The following RBBP5 variants were observed in gnomAD, a reference collection of about 807,000 sequenced individuals.
RBBP5 encodes retinoblastoma-binding protein 5.
Under a neutral mutation model 72.2 loss-of-function variants are expected in RBBP5, and 5 were observed. The observed-to-expected ratio is 0.07, with a 90% CI of 0.04 to 0.15. The LOEUF (loss-of-function observed/expected upper bound fraction) is 0.15. RBBP5 is among the 10% of genes least tolerant of loss of function. The probability of loss-of-function intolerance (pLI) is 1.00; values close to 1 mark genes in which losing one functional copy is unlikely to be tolerated. For missense variants in RBBP5, 322 were observed against 652.2 expected, an observed-to-expected ratio of 0.49 and a Z score of 5.51; for synonymous variants, 209 against 237.2, an observed-to-expected ratio of 0.88 and a Z score of 1.09.
chr1:205,090,429 C>T (rs1421438578), intron 13 of RBBP5, among the ~76,000 whole-genome samples: 3 of 152,236 alleles, frequency 2.0e-5, no homozygotes, highest in East Asian at 3.9e-4. Context: ...GTTTCTATAC[C>T]GTCCTTGTTT....
rs1230500593 is a variant in RBBP5, at chr1:205,088,587, T to C, written c.*200A>G. ...ATTCCTGAGAGTCTATTTGGACTTATGCTTGAAAGGGAAGGGAAGGTCGTA... is the reference window on the plus strand; with the variant it reads ...ATTCCTGAGAGTCTATTTGGACTTACGCTTGAAAGGGAAGGGAAGGTCGTA... On this transcript the variant is annotated 3_prime_UTR_variant, in exon 14 of 14. Coordinates refer to ENST00000264515, the MANE Select transcript of RBBP5 (RefSeq NM_005057.4). 2.2e-5 allele frequency: 12 copies of C among 544,588 alleles called. No homozygotes were observed. The highest frequency in any genetic ancestry group is 2.0e-4 in the Admixed American group (5 of 25,320). The allele number at this position is 544,588 out of a possible 1,614,324, so 33.7% of individuals were successfully genotyped here.
At chr1:205,111,837 C>T (rs550954828) in intron 3 of RBBP5, among the ~76,000 whole-genome samples, 22 of 152,238 alleles carry the variant, frequency 1.4e-4, no homozygotes, top group African/African-American at 5.1e-4. Context: ...AGACGAGGTT[C>T]TCCATGAGGA....
intron 12 of RBBP5, among the ~76,000 whole-genome samples, chr1:205,095,894 TA>T (rs1217493447): frequency 6.6e-6 from 1 of 152,116 alleles, no homozygotes; most frequent in African/African-American, 2.4e-5. Flanking sequence ...TGCAGTTAGC[TA>T]AAAGAGAAGA....
chr1:205,104,888 G>C, intron 4 of RBBP5, 140 bp downstream of exon 4: 1 of 979,964 alleles, frequency 1.0e-6, no homozygotes, highest in Admixed American at 2.6e-5. Context: ...AGCCAACCTA[G>C]ATGGAAAGAT....
Position 205,087,553 on chromosome 1 carries a change from G to GAAAA in RBBP5, c.*1230_*1233dup, listed in dbSNP as rs61068820. 5.2e-5 allele frequency: 4 copies of GAAAA among 77,102 alleles called. No individual in the cohort carries two copies. The highest frequency in any genetic ancestry group is 5.4e-5 in the Non-Finnish European group (2 of 36,868). The allele number at this position is 77,102 out of a possible 1,614,324, so 4.8% of individuals were successfully genotyped here. A position where few individuals can be genotyped will look rare whatever the true frequency, so the allele number is the denominator to read the frequency against. On this transcript the variant is annotated 3_prime_UTR_variant, in exon 14 of 14. Transcript: ENST00000264515. ...ATTTAAATTCTCCTTTTAAAATATT[G>GAAAA]AAAAAAAAAAAAAAAAAAAAAAGAC...
chr1:205,101,329 C>T (rs1655812390), intron 6 of RBBP5, among the ~76,000 whole-genome samples: 1 of 152,152 alleles, frequency 6.6e-6, no homozygotes, highest in African/African-American at 2.4e-5. Flanking sequence ...ATACCCAGTG[C>T]TTACTATATG....
intron 3 of RBBP5, among the ~76,000 whole-genome samples, chr1:205,105,631 A>G (rs1226059492): frequency 6.6e-6 from 1 of 152,254 alleles, no homozygotes. Flanking sequence ...CACTGGACAT[A>G]ATATATAAAA....
In RBBP5 at chr1:205,099,137, T is replaced by C. The variant is rs575450921; in HGVS notation, c.979-31A>G. On this transcript the variant is annotated intron_variant, in intron 9 of 13. Coordinates refer to ENST00000264515, the MANE Select transcript of RBBP5 (RefSeq NM_005057.4). This position sits in a 1 kb window ranked among gnomAD's most constrained non-coding sequence, Gnocchi z 4.7. ...CAACAAGATATACTACTTAACCATATGTGAAAGCAATAATCTGTAATCTAC... is the reference window on the plus strand; with the variant it reads ...CAACAAGATATACTACTTAACCATACGTGAAAGCAATAATCTGTAATCTAC... The C allele has an allele frequency of 7.6e-6, 10 of 1,308,974 alleles. No homozygotes were observed. The highest frequency in any genetic ancestry group is 6.0e-5 in the African/African-American group (4 of 66,900). 81.1% of individuals were successfully genotyped at this position (1,308,974 alleles called of 1,614,324 possible). A position where few individuals can be genotyped will look rare whatever the true frequency, so the allele number is the denominator to read the frequency against.
At position 205,094,931 on chromosome 1, in the gene RBBP5, T is replaced by C. The variant is rs1330649895; in HGVS notation, c.1530A>G (p.Leu510=). 1 of 1,614,066 alleles carries C rather than the reference T, an allele frequency of 6.2e-7. No individual in the cohort carries two copies. The highest frequency in any genetic ancestry group is 8.5e-7 in the Non-Finnish European group (1 of 1,180,046). The change falls in exon 13 of 14, where the codon TTA becomes TTG. Residue 510 remains leucine, a synonymous_variant. Transcript: ENST00000264515. ...KPKLYKGDRG[L]PLEGSAKGKV... is the part of the protein sequence containing the mutation. ...TACCCTTCGCTGATCCTTCCAGAGGTAAACCTCTGTCCCCTTTGTAGAGTT... is the reference window on the plus strand; with the variant it reads ...TACCCTTCGCTGATCCTTCCAGAGGCAAACCTCTGTCCCCTTTGTAGAGTT...
intron 3 of RBBP5, 122 bp downstream of exon 3, chr1:205,114,667 C>T (rs983277829): frequency 3.1e-6 from 3 of 963,510 alleles, no homozygotes; most frequent in Admixed American, 3.4e-5. Flanking sequence ...CCATGATAAA[C>T]TGTATTACTA....
chr1:205,096,757 A>C lies in RBBP5; in HGVS notation c.1321T>G (p.Ser441Ala), dbSNP rs780189847. Reference protein sequence around the residue: ...GASSEKKRQSSADGSQPPKKK... With the variant: ...GASSEKKRQSAADGSQPPKKK... ...TTAGGTGGCTGGGACCCATCTGCTG[A>C]GGACTGCCTCTTCTTCTCTGAACTA... is the stretch of plus-strand genomic sequence containing the variant. The change falls in exon 12 of 14, where the codon TCA becomes GCA. Residue 441 changes from serine to alanine, a missense_variant. Ser to Ala is a moderately conservative substitution (Grantham distance 99, BLOSUM62 1). This residue lies in a region of RBBP5 where 109 missense variants were observed against 146.3 expected (regional missense o/e 0.75). Transcript: ENST00000264515. The C allele has an allele frequency of 6.2e-7, 1 of 1,614,186 alleles. No individual in the cohort carries two copies. Among genetic ancestry groups the C allele is most frequent in the Admixed American group, 1.7e-5 (1 of 60,022 alleles).
rs375067214 is a variant in RBBP5, at chr1:205,096,750, T to C, written c.1328A>G (p.Asp443Gly). 2.5e-6 allele frequency: 4 copies of C among 1,614,104 alleles called. No individual in the cohort carries two copies. In the African/African-American group the frequency reaches 4.0e-5, roughly 16 times the overall value. ...SSEKKRQSSADGSQPPKKKPK... is the reference protein window; with the variant it reads ...SSEKKRQSSAGGSQPPKKKPK... ...TTTCTTCTTAGGTGGCTGGGACCCA[T>C]CTGCTGAGGACTGCCTCTTCTTCTC... Residue 443 changes from aspartate (D) to glycine (G), a missense_variant, in exon 12 of 14, where the codon GAT (aspartate) becomes GGT (glycine). Asp to Gly is a moderately conservative substitution (Grantham distance 94). Around this residue, in one of 6 missense-constraint regions of RBBP5, gnomAD observed 109 missense variants for 146.3 expected, o/e 0.75. Coordinates refer to ENST00000264515, the MANE Select transcript of RBBP5 (RefSeq NM_005057.4).
intron 5 of RBBP5, 72 bp downstream of exon 5, chr1:205,103,785 A>T: frequency 6.5e-7 from 1 of 1,543,556 alleles, no homozygotes; most frequent in Non-Finnish European, 8.8e-7. Flanking sequence ...ACAATTTTCA[A>T]AAGAAACAAA....
At position 205,093,533 on chromosome 1, in the gene RBBP5, TACACACAC is replaced by T. The variant is rs372536310; in HGVS notation, c.1588+1332_1588+1339del. On this transcript the variant is annotated intron_variant, in intron 13 of 13. Coordinates refer to ENST00000264515, the MANE Select transcript of RBBP5 (RefSeq NM_005057.4). ...ATATATATATATATATATATATATA[TACACACAC>T]ACACACACACACACACACACACACA... Among the ~76,000 whole-genome samples, 9 of 4,878 alleles carry T rather than the reference TACACACAC, an allele frequency of 1.8e-3. No individual in the cohort carries two copies. In the East Asian group the frequency reaches 0.025, roughly 14 times the overall value. 3.2% of individuals were successfully genotyped at this position (4,878 alleles called of 152,430 possible). A position where few individuals can be genotyped will look rare whatever the true frequency, so the allele number is the denominator to read the frequency against.
At chr1:205,116,015 G>A in intron 1 of RBBP5, 132 bp from the exon 2 acceptor site, 2 of 1,578,152 alleles carry the variant, frequency 1.3e-6, no homozygotes, top group Non-Finnish European at 1.7e-6. Flanking sequence ...CATTCCATGA[G>A]GCCATACGGA....
chr1:205,095,116 C>G (rs755990828), intron 12 of RBBP5, 52 bp from the exon 13 acceptor site: 1 of 1,536,870 alleles, frequency 6.5e-7, no homozygotes, highest in Non-Finnish European at 8.9e-7. Context: ...AGTCTCATCA[C>G]CCCAACCACA....
At position 205,104,294 on chromosome 1, in the gene RBBP5, G is replaced by A. The variant is rs191973699; in HGVS notation, c.360-275C>T. 8.6e-5 allele frequency among the ~76,000 whole-genome samples: 13 copies of A among 151,678 alleles called. No individual in the cohort carries two copies. The East Asian group carries it at 1.6e-3, about 18-fold the overall frequency. ...CCCAGCACTTTGGGGAGGCTGAGGCGGGCAGATCACTTGAGGTCAGGAGTT... is the reference window on the plus strand; with the variant it reads ...CCCAGCACTTTGGGGAGGCTGAGGCAGGCAGATCACTTGAGGTCAGGAGTT... On this transcript the variant is annotated intron_variant, in intron 4 of 13. Transcript: ENST00000264515.
chr1:205,104,925 T>A (rs1444357138), intron 4 of RBBP5, 103 bp downstream of exon 4: 3 of 1,269,478 alleles, frequency 2.4e-6, no homozygotes, highest in Non-Finnish European at 1.1e-6. Context: ...TTTGAAGAGA[T>A]GTGTATTTGC....
intron 13 of RBBP5, among the ~76,000 whole-genome samples, chr1:205,089,112 T>A (rs1020502541): frequency 6.6e-6 from 1 of 152,142 alleles, no homozygotes; most frequent in African/African-American, 2.4e-5. Context: ...TGCTCTAAGG[T>A]GCTAACAAAT....
Sources: gnomAD v4.1 joint callset for allele counts (sites outside exome capture counted in the v4.1 genomes callset) on GRCh38, gnomAD v4.1.1 for gene constraint, gnomAD v4.1.1 regional missense constraint, Gnocchi (gnomAD v3.1) non-coding constraint, MANE v1.5 for transcripts, NCBI Gene and HGNC (gene_info 2026-07-23, HGNC 2026-07-21) for gene names.